The following DCDC2 variants were observed in gnomAD, a reference collection of about 807,000 sequenced individuals.
DCDC2 encodes the protein doublecortin domain-containing protein 2.
DCDC2 carries 40 observed loss-of-function variants against 50.2 expected under a neutral mutation model. That is an observed-to-expected ratio of 0.80 (90% confidence interval 0.62 to 1.04). The LOEUF (loss-of-function observed/expected upper bound fraction) is 1.04, where lower values mean the gene tolerates loss of function less well. Ranked by LOEUF, DCDC2 falls within the 50% of genes least tolerant of loss-of-function variation. The pLI is 0.00. For synonymous variants in DCDC2, 234 were observed against 210.6 expected (o/e 1.11, Z -0.96); for missense variants, 570 against 581.9 (o/e 0.98, Z 0.21).
chr6:24,301,678 C>A, intron 4 of DCDC2, 37 bp downstream of exon 4: 1 of 1,606,866 alleles, frequency 6.2e-7, no homozygotes, highest in South Asian at 1.1e-5. Flanking sequence ...TTCAACAATT[C>A]AAAAACTCCT....
intron 2 of DCDC2, among the ~76,000 whole-genome samples, chr6:24,338,379 T>C (rs1760095651): frequency 6.6e-6 from 1 of 152,146 alleles, no homozygotes; most frequent in Non-Finnish European, 1.5e-5. Flanking sequence ...GTATTCCCTG[T>C]CTTCACGAAA....
intron 8 of DCDC2, among the ~76,000 whole-genome samples, chr6:24,182,644 A>AAAAAAAAAAAAC (rs1554142848): frequency 2.7e-5 from 4 of 150,208 alleles, no homozygotes; most frequent in African/African-American, 7.3e-5. Context: ...AAAAAAAAAA[A>AAAAAAAAAAAAC]CAGAAGAAAA....
At chr6:24,178,706 G>A in intron 8 of DCDC2, 74 bp from the exon 9 acceptor site, 5 of 1,353,586 alleles carry the variant, frequency 3.7e-6, no homozygotes, top group Admixed American at 2.1e-5. Flanking sequence ...TCATAGTAAT[G>A]TAATACTTAT....
At chr6:24,376,705 T>C in the DCDC2 span, among the ~76,000 whole-genome samples, 8 of 116,672 alleles carry the variant, frequency 6.9e-5, no homozygotes, top group East Asian at 2.4e-4. Flanking sequence ...TATAGGGGTT[T>C]GAGACATGAA....
the DCDC2 span, among the ~76,000 whole-genome samples, chr6:24,376,873 G>C: frequency 6.7e-6 from 1 of 148,372 alleles, no homozygotes; most frequent in Non-Finnish European, 1.5e-5. Context: ...GAAATGCTGA[G>C]ATGCAACCAC....
At chr6:24,322,491 C>CTTTT (rs1479110229) in intron 2 of DCDC2, among the ~76,000 whole-genome samples, 2 of 54,152 alleles carry the variant, frequency 3.7e-5, no homozygotes. Context: ...TGTTTTCCTT[C>CTTTT]CTTTTTTTTT....
chr6:24,236,179 G>A (rs985535863), intron 7 of DCDC2, among the ~76,000 whole-genome samples: 13 of 152,088 alleles, frequency 8.5e-5, no homozygotes, highest in African/African-American at 3.1e-4. Flanking sequence ...CATACTACCT[G>A]ACTTCAAACT....
At chr6:24,183,014 G>T (rs1761115168) in intron 8 of DCDC2, among the ~76,000 whole-genome samples, 1 of 152,194 alleles carries the variant, frequency 6.6e-6, no homozygotes, top group Non-Finnish European at 1.5e-5. Flanking sequence ...ATGAAACAGA[G>T]ATATTATGCT....
intron 2 of DCDC2, among the ~76,000 whole-genome samples, chr6:24,317,512 A>AT (rs1166777217): frequency 6.6e-6 from 1 of 152,114 alleles, no homozygotes; most frequent in African/African-American, 2.4e-5. Flanking sequence ...TGGAATAGTA[A>AT]TATAAAAGTA....
At chr6:24,281,723 C>G (rs561049928) in intron 6 of DCDC2, among the ~76,000 whole-genome samples, 1 of 152,084 alleles carries the variant, frequency 6.6e-6, no homozygotes, top group Non-Finnish European at 1.5e-5. Flanking sequence ...ACTTGTAACT[C>G]AAATACATAG....
chr6:24,329,764 C>T (rs972554035), intron 2 of DCDC2, among the ~76,000 whole-genome samples: 5 of 152,160 alleles, frequency 3.3e-5, no homozygotes, highest in African/African-American at 9.7e-5. Context: ...CTTTCCTGCG[C>T]TATCTTCTAT....
intron 7 of DCDC2, among the ~76,000 whole-genome samples, chr6:24,209,820 A>G (rs2113765555): frequency 6.6e-6 from 1 of 152,292 alleles, no homozygotes; most frequent in South Asian, 2.1e-4. Flanking sequence ...TCATCTCAGA[A>G]TGCAGAGCAC....
At chr6:24,186,544 A>C (rs1014782258) in intron 8 of DCDC2, among the ~76,000 whole-genome samples, 5 of 152,200 alleles carry the variant, frequency 3.3e-5, no homozygotes, top group Admixed American at 2.6e-4. Flanking sequence ...AGTAGCTGAA[A>C]AACTGGTCGC....
intron 7 of DCDC2, among the ~76,000 whole-genome samples, chr6:24,264,063 G>C (rs1161793222): frequency 6.6e-6 from 1 of 152,130 alleles, no homozygotes; most frequent in African/African-American, 2.4e-5. Context: ...CAACCTGACA[G>C]ACCAAGAGAG....
chr6:24,343,175 G>T (rs367679797), intron 2 of DCDC2, among the ~76,000 whole-genome samples: 1 of 151,372 alleles, frequency 6.6e-6, no homozygotes, highest in Non-Finnish European at 1.5e-5. Context: ...AGCCTCCGGC[G>T]TGGCAGAGAT....
intron 4 of DCDC2, among the ~76,000 whole-genome samples, chr6:24,293,770 C>CA (rs1035023878): frequency 5.9e-5 from 9 of 151,980 alleles, no homozygotes; most frequent in Non-Finnish European, 1.0e-4. Flanking sequence ...AAATTAACCA[C>CA]AAAACCAAAC....
intron 7 of DCDC2, among the ~76,000 whole-genome samples, chr6:24,275,540 A>AG (rs1763332770): frequency 6.6e-6 from 1 of 152,186 alleles, no homozygotes; most frequent in Non-Finnish European, 1.5e-5. Context: ...CAGTTAGTGA[A>AG]GGAAAAAAAA....
chr6:24,250,267 A>G (rs1266611006), intron 7 of DCDC2, among the ~76,000 whole-genome samples: 1 of 152,190 alleles, frequency 6.6e-6, no homozygotes, highest in Non-Finnish European at 1.5e-5. Context: ...GGCTAAAATC[A>G]CATGTCAACA....
At chr6:24,381,829 AGG>A in the DCDC2 span, among the ~76,000 whole-genome samples, 1 of 143,158 alleles carries the variant, frequency 7.0e-6, no homozygotes, top group Non-Finnish European at 1.5e-5. Context: ...GAAGGAAGGA[AGG>A]AAGGAAGGAA....
Sources: allele counts gnomAD v4.1 joint callset (sites outside exome capture counted in the v4.1 genomes callset), GRCh38; gene constraint gnomAD v4.1.1; transcripts MANE v1.5; gene names NCBI Gene and HGNC (gene_info 2026-07-23, HGNC 2026-07-21).